Variants in GNG12 observed in about 807,000 individuals in gnomAD.
The protein encoded by GNG12 is guanine nucleotide-binding protein G(I)/G(S)/G(O) subunit gamma-12.
For missense variants in GNG12, 69 were observed against 83.8 expected (o/e 0.82, Z 0.69); for synonymous variants, 28 against 29.7 (o/e 0.94, Z 0.19).
chr1:67,717,071 G>A lies in GNG12; in HGVS notation c.-26-9359C>T, dbSNP rs182284722. Among the ~76,000 whole-genome samples, 744 of 152,246 alleles carry A rather than the reference G, an allele frequency of 4.9e-3. 7 individuals are homozygous for A. The highest frequency in any genetic ancestry group is 0.017 in the African/African-American group (711 of 41,550). On this transcript the variant is annotated intron_variant, in intron 2 of 3. Coordinates refer to ENST00000370982, the MANE Select transcript of GNG12 (RefSeq NM_018841.6). The stretch of plus-strand genomic sequence containing the variant: ...AAGAAAGTCTGATTCAGTAGGGCTG[G>A]AGAAGGGCCCACAGATCTGTATTCA...
intron 2 of GNG12, among the ~76,000 whole-genome samples, chr1:67,708,538 T>G (rs1646263316): frequency 6.6e-6 from 1 of 152,242 alleles, no homozygotes; most frequent in Non-Finnish European, 1.5e-5. Flanking sequence ...TAGGCTGCCC[T>G]GCTGCCCTCT....
At chr1:67,746,259 C>A (rs1326986033) in intron 2 of GNG12, among the ~76,000 whole-genome samples, 1 of 152,154 alleles carries the variant, frequency 6.6e-6, no homozygotes, top group Non-Finnish European at 1.5e-5. Flanking sequence ...TTTTAATTGA[C>A]TCTCCAATAA....
chr1:67,779,740 T>C (rs1646726642), intron 1 of GNG12, among the ~76,000 whole-genome samples: 1 of 152,152 alleles, frequency 6.6e-6, no homozygotes, highest in South Asian at 2.1e-4. Context: ...TATGTGTCCC[T>C]GAAGGAGGGG....
intron 1 of GNG12, among the ~76,000 whole-genome samples, chr1:67,814,315 T>C (rs1309295079): frequency 6.6e-6 from 1 of 152,228 alleles, no homozygotes; most frequent in Non-Finnish European, 1.5e-5. Flanking sequence ...CTGTCATTTT[T>C]CCAACATTCA....
intron 2 of GNG12, among the ~76,000 whole-genome samples, chr1:67,745,960 A>G (rs1206060266): frequency 6.6e-6 from 1 of 152,252 alleles, no homozygotes; most frequent in Non-Finnish European, 1.5e-5. Flanking sequence ...GAAAGTATGA[A>G]TACATGAACC....
intron 2 of GNG12, among the ~76,000 whole-genome samples, chr1:67,709,811 G>A (rs1557591624): frequency 1.7e-5 from 2 of 121,194 alleles, no homozygotes; most frequent in Non-Finnish European, 3.3e-5. Flanking sequence ...GCAAGTTGCA[G>A]ATATATATAT....
At chr1:67,806,551 AACCAATCCCCTGTGTATACCACAGGATG>A (rs1646895476) in intron 1 of GNG12, among the ~76,000 whole-genome samples, 1 of 152,158 alleles carries the variant, frequency 6.6e-6, no homozygotes, top group South Asian at 2.1e-4. Flanking sequence ...ATGGTCCTGG[AACCAATCCCCTGTGTATACCACAGGATG>A]ACTGTAAAGG....
intron 1 of GNG12, among the ~76,000 whole-genome samples, chr1:67,816,986 A>G (rs764726081): frequency 7.2e-5 from 11 of 152,234 alleles, no homozygotes; most frequent in African/African-American, 1.9e-4. Flanking sequence ...AAGTGCTTTA[A>G]GTTATTTTGA....
At chr1:67,715,644 G>A (rs1054461517) in intron 2 of GNG12, among the ~76,000 whole-genome samples, 2 of 152,170 alleles carry the variant, frequency 1.3e-5, no homozygotes, top group African/African-American at 4.8e-5. Context: ...GCACCCGTGG[G>A]CAGTTCTGCA....
intron 1 of GNG12, among the ~76,000 whole-genome samples, chr1:67,786,842 CAGG>C (rs547082944): frequency 1.1e-4 from 17 of 151,836 alleles, no homozygotes; most frequent in South Asian, 8.3e-4. Context: ...GAGGCTGAAG[CAGG>C]AGAACTGCTT....
intron 1 of GNG12, among the ~76,000 whole-genome samples, chr1:67,797,100 G>A (rs1273793454): frequency 2.0e-5 from 3 of 152,100 alleles, no homozygotes; most frequent in African/African-American, 7.2e-5. Flanking sequence ...TCCAACATTG[G>A]GGATCACATT....
At chr1:67,801,952 A>G (rs114048536) in intron 1 of GNG12, among the ~76,000 whole-genome samples, 2,649 of 145,282 alleles carry the variant, frequency 0.018, 80 homozygotes, top group African/African-American at 0.064. Context: ...AAAAAGAAGG[A>G]AGGGGGGTGA....
intron 2 of GNG12, among the ~76,000 whole-genome samples, chr1:67,732,321 G>A (rs1473923334): frequency 6.6e-6 from 1 of 152,238 alleles, no homozygotes; most frequent in East Asian, 1.9e-4. Flanking sequence ...AGAGAGGCCT[G>A]TTTAATGCTT....
chr1:67,749,221 C>A (rs1269459142), intron 2 of GNG12, among the ~76,000 whole-genome samples: 1 of 152,202 alleles, frequency 6.6e-6, no homozygotes, highest in Non-Finnish European at 1.5e-5. Flanking sequence ...CTGCCTTTGT[C>A]ATTTGCTCGT....
chr1:67,720,664 A>G (rs1646351598), intron 2 of GNG12, among the ~76,000 whole-genome samples: 1 of 152,242 alleles, frequency 6.6e-6, no homozygotes, highest in South Asian at 2.1e-4. Flanking sequence ...CATCCCTGAT[A>G]AAGGCATTAC....
chr1:67,830,700 C>A (rs534117258), intron 1 of GNG12, among the ~76,000 whole-genome samples: 1 of 152,202 alleles, frequency 6.6e-6, no homozygotes, highest in African/African-American at 2.4e-5. Context: ...GCACTAAAAG[C>A]ATATTAAAAC....
chr1:67,717,202 T>C (rs1174452910), intron 2 of GNG12, among the ~76,000 whole-genome samples: 1 of 152,024 alleles, frequency 6.6e-6, no homozygotes, highest in Non-Finnish European at 1.5e-5. Context: ...TGCCTGGGGA[T>C]TAAAAAATGT....
chr1:67,784,420 A>G (rs1054924115), intron 1 of GNG12, among the ~76,000 whole-genome samples: 1 of 151,768 alleles, frequency 6.6e-6, no homozygotes, highest in African/African-American at 2.4e-5. Flanking sequence ...TACATATGTA[A>G]CTAACCTGCA....
chr1:67,754,161 T>C (rs1646554858), intron 2 of GNG12, among the ~76,000 whole-genome samples: 1 of 152,136 alleles, frequency 6.6e-6, no homozygotes, highest in African/African-American at 2.4e-5. Context: ...TCTGTACAGA[T>C]TTCTGGGCAG....
Sources: gnomAD v4.1 joint callset for allele counts (sites outside exome capture counted in the v4.1 genomes callset) on GRCh38, gnomAD v4.1.1 for gene constraint, MANE v1.5 for transcripts, NCBI Gene and HGNC (gene_info 2026-07-23, HGNC 2026-07-21) for gene names.